APBB2: variants seen among roughly 807,000 people sequenced by gnomAD.
APBB2 encodes the protein amyloid beta precursor protein binding family B member 2.
In APBB2, 38 loss-of-function variants were observed where a neutral mutation model predicts 82.5. The ratio of observed to expected loss-of-function variants is 0.46; its 90% CI spans 0.36 to 0.60. The LOEUF (loss-of-function observed/expected upper bound fraction) is 0.60, where lower values mean the gene tolerates loss of function less well. Ranked by LOEUF, APBB2 falls within the 20% of genes least tolerant of loss-of-function variation. The probability of loss-of-function intolerance (pLI) is 0.00; values close to 1 mark genes in which losing one functional copy is unlikely to be tolerated. For synonymous variants in APBB2, 341 were observed against 368.2 expected (o/e 0.93, Z 0.85); for missense variants, 772 against 972.3 (o/e 0.79, Z 2.74).
At chr4:40,963,757 G>C (rs541898327) in intron 6 of APBB2, among the ~76,000 whole-genome samples, 1 of 152,336 alleles carries the variant, frequency 6.6e-6, no homozygotes, top group East Asian at 1.9e-4. Context: ...ACATCAGTGG[G>C]ACCAAGTGCA....
intron 7 of APBB2, among the ~76,000 whole-genome samples, chr4:40,944,310 C>A (rs1290182546): frequency 3.9e-5 from 6 of 152,188 alleles, no homozygotes; most frequent in Non-Finnish European, 5.9e-5. Context: ...ATTTCTTCCT[C>A]AGGGACAGCA....
chr4:41,056,599 A>C (rs1434281077), intron 4 of APBB2, among the ~76,000 whole-genome samples: 2 of 152,236 alleles, frequency 1.3e-5, no homozygotes, highest in Non-Finnish European at 2.9e-5. Flanking sequence ...ATAAGAATTG[A>C]GGGCAATATG....
chr4:41,121,618 G>A (rs1455631748), intron 2 of APBB2, among the ~76,000 whole-genome samples: 2 of 152,182 alleles, frequency 1.3e-5, no homozygotes, highest in African/African-American at 4.8e-5. Context: ...TGTGTGTTCT[G>A]GGAAGCTGAC....
chr4:41,115,045 A>T (rs950234822), intron 2 of APBB2, among the ~76,000 whole-genome samples: 6 of 152,230 alleles, frequency 3.9e-5, no homozygotes, highest in African/African-American at 9.6e-5. Flanking sequence ...ACAAAGCTGG[A>T]GGCATCATGC....
chr4:41,121,911 ATGTG>A (rs1301238343), intron 2 of APBB2, among the ~76,000 whole-genome samples: 1 of 150,592 alleles, frequency 6.6e-6, no homozygotes, highest in Admixed American at 6.6e-5. Flanking sequence ...GTGTGTGTGT[ATGTG>A]TGTATGTGTG....
At position 40,982,221 on chromosome 4, in the gene APBB2, G is replaced by GAAAGAAAA. The variant is rs766666523; in HGVS notation, c.835+31361_835+31362insTTTTCTTT. Reference sequence around the variant, plus strand: ...AAAGAAAGAAAAGAAAGAAAAGAAAGGAAAGAAAGAAAGAAAGAAAGAAAG... The same window carrying GAAAGAAAA: ...AAAGAAAGAAAAGAAAGAAAAGAAAGAAAGAAAAGAAAGAAAGAAAGAAAGAAAGAAAG... On this transcript the variant is annotated intron_variant, in intron 6 of 17. Transcript: ENST00000508593. Among the ~76,000 whole-genome samples the GAAAGAAAA allele has an allele frequency of 2.5e-3, 32 of 12,902 alleles. 2 individuals are homozygous for GAAAGAAAA. The highest frequency in any genetic ancestry group is 9.3e-3 in the African/African-American group (28 of 3,024). The allele number at this position is 12,902 out of a possible 152,430, so 8.5% of individuals were successfully genotyped here.
Position 40,921,581 on chromosome 4 carries a change from A to G in APBB2, c.1254+12875T>C, listed in dbSNP as rs534517586. Among the ~76,000 whole-genome samples the G allele has an allele frequency of 7.9e-5, 12 of 152,346 alleles. No homozygotes were observed. In the South Asian group the frequency reaches 8.3e-4, roughly 11 times the overall value. On this transcript the variant is annotated intron_variant, in intron 10 of 17. Coordinates refer to ENST00000508593, the MANE Select transcript of APBB2 (RefSeq NM_004307.2). The stretch of plus-strand genomic sequence containing the variant: ...TCTCAACCAAAACACGGTGAGATGC[A>G]TAAGAATATCTGAAGAGAAGAGATG...
At chr4:41,182,336 C>A (rs759970380) in intron 1 of APBB2, among the ~76,000 whole-genome samples, 2 of 152,202 alleles carry the variant, frequency 1.3e-5, no homozygotes, top group African/African-American at 2.4e-5. Context: ...TGAATGATTA[C>A]TCTAATTGCG....
intron 12 of APBB2, among the ~76,000 whole-genome samples, chr4:40,867,864 CTTTTTT>C (rs35665507): frequency 2.9e-5 from 4 of 138,794 alleles, no homozygotes; most frequent in Non-Finnish European, 3.1e-5. Context: ...ATTTCTGGGG[CTTTTTT>C]TTTTTTTTTT....
chr4:40,879,983 C>T (rs903517712), intron 12 of APBB2: 19 of 982,932 alleles, frequency 1.9e-5, no homozygotes, highest in Non-Finnish European at 2.2e-5. Flanking sequence ...TGAGCCACTG[C>T]ACCCAGCAGA....
intron 2 of APBB2, among the ~76,000 whole-genome samples, chr4:41,110,873 A>C: frequency 6.6e-6 from 1 of 152,154 alleles, no homozygotes; most frequent in East Asian, 1.9e-4. Flanking sequence ...GATAATTCAA[A>C]TGCATGATGT....
chr4:41,190,354 C>T lies in APBB2; in HGVS notation c.-417+24051G>A, dbSNP rs537789563. Reference sequence around the variant, plus strand: ...GCAACCTCCACCTCCCAGGTTCAAGCAATTCTCTGCCTCAGCCCGCGAGTA... The same window carrying T: ...GCAACCTCCACCTCCCAGGTTCAAGTAATTCTCTGCCTCAGCCCGCGAGTA... On this transcript the variant is annotated intron_variant, in intron 1 of 17. Transcript: ENST00000508593. Among the ~76,000 whole-genome samples, 3 of 146,332 alleles carry T rather than the reference C, an allele frequency of 2.1e-5. No homozygotes were observed. In the East Asian group the frequency reaches 6.0e-4, roughly 29 times the overall value.
intron 12 of APBB2, chr4:40,881,523 C>CTTTTCT (rs1419669580): frequency 6.7e-6 from 1 of 148,882 alleles, no homozygotes; most frequent in African/African-American, 3.9e-5. Flanking sequence ...TTTATCTTTT[C>CTTTTCT]TTTTCTTTTT....
chr4:40,988,055 TA>T (rs2154407881), intron 6 of APBB2, among the ~76,000 whole-genome samples: 1 of 152,318 alleles, frequency 6.6e-6, no homozygotes, highest in South Asian at 2.1e-4. Flanking sequence ...TTTTGTGAAC[TA>T]AATGAGATAA....
chr4:41,016,318 T>C (rs2154430982), intron 5 of APBB2, among the ~76,000 whole-genome samples: 1 of 152,362 alleles, frequency 6.6e-6, no homozygotes, highest in East Asian at 1.9e-4. Context: ...AATTTCTAGG[T>C]GATTTTTAAT....
intron 6 of APBB2, among the ~76,000 whole-genome samples, chr4:40,996,706 C>T (rs1367820092): frequency 6.6e-6 from 1 of 152,160 alleles, no homozygotes; most frequent in Non-Finnish European, 1.5e-5. Flanking sequence ...CCTCTCCACC[C>T]ACATCCAATC....
intron 12 of APBB2, among the ~76,000 whole-genome samples, chr4:40,837,726 C>T (rs892577177): frequency 5.3e-5 from 8 of 152,212 alleles, no homozygotes; most frequent in African/African-American, 1.4e-4. Context: ...CTCCATTTAA[C>T]GCCTGCAGTC....
At chr4:41,022,756 A>G (rs1167767994) in intron 5 of APBB2, among the ~76,000 whole-genome samples, 8 of 152,242 alleles carry the variant, frequency 5.3e-5, no homozygotes, top group Non-Finnish European at 1.2e-4. Flanking sequence ...GGGAAAGGCA[A>G]GTGTTTCAAT....
At chr4:40,865,729 C>T (rs781463868) in intron 12 of APBB2, among the ~76,000 whole-genome samples, 2 of 151,996 alleles carry the variant, frequency 1.3e-5, no homozygotes, top group Non-Finnish European at 2.9e-5. Flanking sequence ...TGAATAAAGT[C>T]GATAATAAGA....
Sources: allele counts gnomAD v4.1 joint callset (sites outside exome capture counted in the v4.1 genomes callset), GRCh38; gene constraint gnomAD v4.1.1; transcripts MANE v1.5; gene names NCBI Gene and HGNC (gene_info 2026-07-23, HGNC 2026-07-21).